Variants in SERPINA3 observed in about 807,000 individuals in gnomAD.
The protein encoded by SERPINA3 is alpha-1-antichymotrypsin.
SERPINA3 carries 32 observed loss-of-function variants against 26.8 expected under a neutral mutation model. That is an observed-to-expected ratio of 1.20 (90% CI 0.90 to 1.61). SERPINA3 has a LOEUF of 1.61. Among genes scored for constraint, SERPINA3 ranks in the 40% most tolerant of loss-of-function variants. The probability of loss-of-function intolerance (pLI) is 0.00; values close to 1 mark genes in which losing one functional copy is unlikely to be tolerated. For missense variants in SERPINA3, 632 were observed against 517.9 expected, an observed-to-expected ratio of 1.22 and a Z score of -2.14; for synonymous variants, 252 against 206.4, an observed-to-expected ratio of 1.22 and a Z score of -1.89.
intron 4 of SERPINA3, chr14:94,622,710 C>A: frequency 9.9e-6 from 6 of 604,296 alleles, no homozygotes; most frequent in Non-Finnish European, 1.8e-5. Flanking sequence ...TAATGTCATC[C>A]AGGCTTGGAA....
rs567778424 is a variant in SERPINA3, at chr14:94,614,127, G to A, written c.-8-307G>A. On this transcript the variant is annotated intron_variant, in intron 1 of 4. Transcript: ENST00000393078. The stretch of plus-strand genomic sequence containing the variant: ...ATCAGCTTACAGACCGAGGAGCCAG[G>A]CAAACCTGGCTGCCCACTGGGCTCC... The A allele has an allele frequency of 3.6e-5, 14 of 390,896 alleles. No individual in the cohort carries two copies. In the East Asian group the frequency reaches 4.8e-4, roughly 13 times the overall value. 24.2% of individuals were successfully genotyped at this position (390,896 alleles called of 1,614,324 possible).
intron 1 of SERPINA3, 164 bp from the exon 2 acceptor site, chr14:94,614,270 A>G (rs770940761): frequency 2.4e-5 from 16 of 657,490 alleles, no homozygotes; most frequent in Non-Finnish European, 4.3e-5. Flanking sequence ...AATGAAGCAG[A>G]GTGATGTGTG....
chr14:94,621,210 C>T (rs928685850), intron 3 of SERPINA3, among the ~76,000 whole-genome samples: 5 of 152,142 alleles, frequency 3.3e-5, no homozygotes, highest in Admixed American at 6.5e-5. Flanking sequence ...CTACCCAACC[C>T]ATCCGTTTAC....
chr14:94,622,270 T>A (rs971229787), intron 3 of SERPINA3, 71 bp from the exon 4 acceptor site: 4 of 1,438,810 alleles, frequency 2.8e-6, no homozygotes, highest in Admixed American at 3.3e-5. Context: ...GGGAAGACCA[T>A]GCTGCGAGGT....
In SERPINA3 at chr14:94,619,476, T is replaced by C; in HGVS notation, c.917+8T>C. On this transcript the variant is annotated splice_region_variant and intron_variant, in intron 3 of 4. Coordinates refer to ENST00000393078, the MANE Select transcript of SERPINA3 (RefSeq NM_001085.5). The stretch of plus-strand genomic sequence containing the variant: ...AGACTCTCTGGAGTTCAGGTGATTC[T>C]TCCTGGCCCCCAAAGACCCCACATC... The C allele has an allele frequency of 6.2e-7, 1 of 1,613,872 alleles. No homozygotes were observed. The highest frequency in any genetic ancestry group is 8.5e-7 in the Non-Finnish European group (1 of 1,179,930).
intron 2 of SERPINA3, 86 bp downstream of exon 2, chr14:94,615,170 C>T: frequency 6.8e-7 from 1 of 1,466,886 alleles, no homozygotes; most frequent in Non-Finnish European, 9.4e-7. Context: ...TTAGGCAAAC[C>T]ACTGTAGAGG....
intron 2 of SERPINA3, 35 bp downstream of exon 2, chr14:94,615,119 G>C: frequency 1.2e-6 from 2 of 1,608,832 alleles, no homozygotes; most frequent in Non-Finnish European, 1.7e-6. Flanking sequence ...AGAAGAGGTG[G>C]ATCTCAGGGC....
intron 1 of SERPINA3, 98 bp downstream of exon 1, chr14:94,612,545 C>T (rs1376986151): frequency 1.5e-6 from 1 of 664,436 alleles, no homozygotes; most frequent in Non-Finnish European, 2.4e-6. Context: ...GAGGGGTAAG[C>T]AGAGGCCAGG....
chr14:94,621,551 C>G (rs774744850), intron 3 of SERPINA3, among the ~76,000 whole-genome samples: 1 of 152,122 alleles, frequency 6.6e-6, no homozygotes, highest in Non-Finnish European at 1.5e-5. Context: ...GGGCTATAAA[C>G]TAAGGGAGGG....
At position 94,619,373 on chromosome 14, in the gene SERPINA3, A is replaced by G. The variant is rs112967031; in HGVS notation, c.822A>G (p.Ala274=). Residue 274 remains alanine, a synonymous_variant, in exon 3 of 5, where the codon GCA becomes GCG. Transcript: ENST00000393078. ...TGAAGTACACAGGCAATGCCAGCGC[A>G]CTCTTCATCCTCCCTGATCAAGACA... ...VELKYTGNAS[A]LFILPDQDKM... 4.3e-6 allele frequency: 7 copies of G among 1,613,830 alleles called. No individual in the cohort carries two copies. The highest frequency in any genetic ancestry group is 1.7e-5 in the Admixed American group (1 of 59,990).
intron 4 of SERPINA3, 64 bp from the exon 5 acceptor site, chr14:94,623,547 A>G: frequency 6.8e-7 from 1 of 1,468,552 alleles, no homozygotes; most frequent in Non-Finnish European, 9.5e-7. Context: ...AGTGGCACAC[A>G]GGCAGGTCGC....
intron 3 of SERPINA3, chr14:94,619,801 G>C: frequency 2.4e-6 from 1 of 411,126 alleles, no homozygotes; most frequent in Non-Finnish European, 4.5e-6. Flanking sequence ...ATTGTGATCA[G>C]TTGAGGGCTG....
intron 3 of SERPINA3, among the ~76,000 whole-genome samples, chr14:94,620,235 G>T (rs763173801): frequency 3.9e-5 from 6 of 152,154 alleles, no homozygotes; most frequent in Non-Finnish European, 8.8e-5. Context: ...CCTGGCAGAG[G>T]GAACAGTCAG....
At chr14:94,622,733 G>A (rs1169818761) in intron 4 of SERPINA3, 2 of 572,576 alleles carry the variant, frequency 3.5e-6, no homozygotes, top group Non-Finnish European at 6.3e-6. Flanking sequence ...AGAGAGCCAT[G>A]GACACCATTC....
chr14:94,613,298 A>T (rs1244026954), intron 1 of SERPINA3: 1 of 126,694 alleles, frequency 7.9e-6, no homozygotes, highest in East Asian at 2.2e-4. Flanking sequence ...TCTCTTCCCC[A>T]CTCTTCTCCC....
chr14:94,619,153 C>A (rs546254514), intron 2 of SERPINA3, 42 bp from the exon 3 acceptor site: 26 of 1,613,226 alleles, frequency 1.6e-5, no homozygotes, highest in African/African-American at 2.7e-5. Context: ...GCAGGGCGAC[C>A]CTTGCACTCA....
At chr14:94,621,417 C>CATGA in intron 3 of SERPINA3, among the ~76,000 whole-genome samples, 1 of 152,186 alleles carries the variant, frequency 6.6e-6, no homozygotes, top group East Asian at 1.9e-4. Flanking sequence ...CGGACAAACA[C>CATGA]ATGAATGAAT....
rs2139967346 is a variant in SERPINA3, at chr14:94,623,618, A to G, written c.1076A>G (p.His359Arg). The G allele has an allele frequency of 1.2e-6, 2 of 1,614,058 alleles. No individual in the cohort carries two copies. Among genetic ancestry groups the G allele is most frequent in the Non-Finnish European group, 1.7e-6 (2 of 1,180,016 alleles). Residue 359 changes from histidine to arginine, a missense_variant, in exon 5 of 5, where the codon CAT becomes CGT. Physicochemically the swap from His to Arg is conservative, Grantham distance 29. Transcript: ENST00000393078. The stretch of plus-strand genomic sequence containing the variant: ...GTTCTGCTGTCCCCACAGGTGGTCC[A>G]TAAGGCTGTGCTTGATGTATTTGAG... ...ARNLAVSQVV[H>R]KAVLDVFEEG...
chr14:94,618,875 A>G, intron 2 of SERPINA3: 1 of 478,238 alleles, frequency 2.1e-6, no homozygotes, highest in Non-Finnish European at 3.8e-6. Flanking sequence ...CTCAGGCACC[A>G]GCCTCCCACA....
Sources: gnomAD v4.1 joint callset for allele counts (sites outside exome capture counted in the v4.1 genomes callset) on GRCh38, gnomAD v4.1.1 for gene constraint, MANE v1.5 for transcripts, NCBI Gene and HGNC (gene_info 2026-07-23, HGNC 2026-07-21) for gene names.